PTPRS: variants seen among roughly 807,000 people sequenced by gnomAD.
PTPRS encodes the protein receptor-type tyrosine-protein phosphatase S.
Under a neutral mutation model 215.3 loss-of-function variants are expected in PTPRS, and 63 were observed. The observed-to-expected ratio is 0.29, with a 90% CI of 0.24 to 0.36. The LOEUF is 0.36. Among genes scored for constraint, PTPRS ranks in the 10% least tolerant of loss-of-function variants. The pLI is 1.00. For missense variants in PTPRS, 2,258 were observed against 2,825.8 expected (o/e 0.80, Z 4.56); for synonymous variants, 1,404 against 1,191.4 (o/e 1.18, Z -3.68).
chr19:5,269,351 ACT>A (rs918115210), intron 4 of PTPRS, among the ~76,000 whole-genome samples: 6 of 151,842 alleles, frequency 4.0e-5, no homozygotes, highest in African/African-American at 1.4e-4. Context: ...CGCGAACCAC[ACT>A]CTGCCCAGTT....
intron 1 of PTPRS, among the ~76,000 whole-genome samples, chr19:5,320,145 C>T (rs79491038): frequency 0.028 from 4,238 of 152,310 alleles, 168 homozygotes; most frequent in East Asian, 0.16. Context: ...CTACTCCAGC[C>T]GGGGCCTTCC....
intron 1 of PTPRS, among the ~76,000 whole-genome samples, chr19:5,303,576 A>G (rs1392754685): frequency 6.6e-6 from 1 of 152,014 alleles, no homozygotes; most frequent in Non-Finnish European, 1.5e-5. Context: ...TAAGTTCTGG[A>G]AAAAGAGAGG....
chr19:5,324,226 CAA>C (rs55793961), intron 1 of PTPRS, among the ~76,000 whole-genome samples: 3,713 of 73,748 alleles, frequency 0.05, 113 homozygotes, highest in African/African-American at 0.16. Context: ...AACCCTGCCT[CAA>C]AAAAAAAAAA....
At chr19:5,325,017 T>C (rs1184766498) in intron 1 of PTPRS, among the ~76,000 whole-genome samples, 1 of 152,150 alleles carries the variant, frequency 6.6e-6, no homozygotes, top group Non-Finnish European at 1.5e-5. Context: ...TAAGGAATGA[T>C]TTCTCTTTTC....
chr19:5,256,052 T>A (rs2146212616), intron 9 of PTPRS, 56 bp downstream of exon 9: 1 of 1,475,880 alleles, frequency 6.8e-7, no homozygotes, highest in East Asian at 2.3e-5. Context: ...GTGCGTGTCA[T>A]TTTCAGAATG....
chr19:5,221,133 C>T lies in PTPRS; in HGVS notation c.3322G>A (p.Gly1108Ser), dbSNP rs544466481. 1.1e-5 allele frequency: 17 copies of T among 1,613,866 alleles called. No homozygotes were observed. Among genetic ancestry groups the T allele is most frequent in the Non-Finnish European group, 1.4e-5 (17 of 1,180,006 alleles). ...VLTNRGSSLGGLQQTVTAWTA... is the reference protein window; with the variant it reads ...VLTNRGSSLGSLQQTVTAWTA... ...CAGGCGGTGACCGTCTGCTGGAGGC[C>T]GCCCAGGCTGCTGCCGCGATTGGTC... The change falls in exon 20 of 38, where the codon GGC becomes AGC. Residue 1108 changes from glycine (G) to serine (S), a missense_variant. By Grantham distance (56) the Gly-to-Ser change is moderately conservative. Around this residue, in one of 6 missense-constraint regions of PTPRS, gnomAD observed 927 missense variants for 1,125.9 expected, o/e 0.82. Coordinates refer to ENST00000262963, the MANE Select transcript of PTPRS (RefSeq NM_002850.4).
intron 1 of PTPRS, among the ~76,000 whole-genome samples, chr19:5,300,987 G>C (rs2049286574): frequency 6.6e-6 from 1 of 152,120 alleles, no homozygotes; most frequent in Non-Finnish European, 1.5e-5. Flanking sequence ...GCCACGTTAG[G>C]GTATCCAAAC....
chr19:5,219,909 G>A (rs749572103), intron 22 of PTPRS, 30 bp downstream of exon 22: 14 of 1,605,564 alleles, frequency 8.7e-6, no homozygotes, highest in East Asian at 2.2e-5. Flanking sequence ...AGGTGTGTCT[G>A]GATGTGGGCG....
intron 32 of PTPRS, 45 bp from the exon 33 acceptor site, chr19:5,211,813 G>A (rs778386982): frequency 3.1e-6 from 5 of 1,600,152 alleles, no homozygotes; most frequent in East Asian, 4.5e-5. Flanking sequence ...GATGAGGAAG[G>A]CTATGCTTTC....
chr19:5,265,805 C>T (rs1274769314), intron 4 of PTPRS, among the ~76,000 whole-genome samples: 1 of 151,864 alleles, frequency 6.6e-6, no homozygotes. Context: ...GGGGTGGGTG[C>T]TCCTGGAATG....
chr19:5,320,970 G>T (rs1414128296), intron 1 of PTPRS, among the ~76,000 whole-genome samples: 1 of 151,986 alleles, frequency 6.6e-6, no homozygotes, highest in Non-Finnish European at 1.5e-5. Context: ...CGAATGAGAA[G>T]AATAAAACAA....
Position 5,282,447 on chromosome 19 carries a change from G to A in PTPRS, c.91+3603C>T, listed in dbSNP as rs569079117. On this transcript the variant is annotated intron_variant, in intron 2 of 37. Coordinates refer to ENST00000262963, the MANE Select transcript of PTPRS (RefSeq NM_002850.4). ...GGGCGCCGCGCCTGCAGCTCGAGAGGCACAAAGACACGCCATGTGCTAAGC... is the reference window on the plus strand; with the variant it reads ...GGGCGCCGCGCCTGCAGCTCGAGAGACACAAAGACACGCCATGTGCTAAGC... Among the ~76,000 whole-genome samples the A allele has an allele frequency of 3.1e-3, 479 of 152,316 alleles. 1 individual carries two copies. Among genetic ancestry groups the A allele is most frequent in the Non-Finnish European group, 4.3e-3 (294 of 68,030 alleles).
At chr19:5,238,887 C>T (rs767454808) in intron 13 of PTPRS, 32 bp downstream of exon 13, 18 of 1,558,208 alleles carry the variant, frequency 1.2e-5, no homozygotes, top group Non-Finnish European at 1.6e-5. Context: ...TGGTCCCTCC[C>T]GCAGAGAAGG....
chr19:5,220,231 G>A (rs2041856690), intron 21 of PTPRS, 29 bp downstream of exon 21: 29 of 1,611,008 alleles, frequency 1.8e-5, no homozygotes, highest in African/African-American at 2.7e-5. Context: ...ATGCATCTGG[G>A]CCCTGCGGGT....
chr19:5,243,803 C>G (rs776439876), intron 11 of PTPRS, 98 bp downstream of exon 11: 31 of 1,057,976 alleles, frequency 2.9e-5, no homozygotes, highest in Non-Finnish European at 3.8e-5. Flanking sequence ...CTTAAAGCAC[C>G]GTGCATAACC....
chr19:5,323,184 C>T lies in PTPRS; in HGVS notation c.-95+17480G>A, dbSNP rs149282249. ...CCAGCCTGACCAACATGGCAAAACC[C>T]CATTTCTACTAAAAATACAGAAAAA... On this transcript the variant is annotated intron_variant, in intron 1 of 37. Coordinates refer to ENST00000262963, the MANE Select transcript of PTPRS (RefSeq NM_002850.4). 9.9e-4 allele frequency among the ~76,000 whole-genome samples: 151 copies of T among 152,016 alleles called. 3 individuals carry two copies. The East Asian group carries it at 0.029, about 29-fold the overall frequency.
chr19:5,222,906 G>T lies in PTPRS; in HGVS notation c.2886C>A (p.Ile962=). 3 of 1,571,670 alleles carry T rather than the reference G, an allele frequency of 1.9e-6. No homozygotes were observed. The highest frequency in any genetic ancestry group is 1.4e-5 in the African/African-American group (1 of 73,578). The change falls in exon 18 of 38, where the codon ATC becomes ATA. Residue 962 remains isoleucine, a synonymous_variant. Transcript: ENST00000262963. ...PPVPAERNGA[I]VKYTVAVREA... is the part of the protein sequence containing the mutation. ...CCCGCACGGCCACCGTGTATTTGAC[G>T]ATGGCCCCGTTGCGCTCGGCGGGCA...
chr19:5,304,282 G>A (rs2049404386), intron 1 of PTPRS, among the ~76,000 whole-genome samples: 1 of 151,844 alleles, frequency 6.6e-6, no homozygotes. Flanking sequence ...TGGCCAACAT[G>A]GTGAAACCTC....
rs1038734701 is a variant in PTPRS, at chr19:5,293,403, G to A, written c.-94-7169C>T. 6.6e-6 allele frequency among the ~76,000 whole-genome samples: 1 copy of A among 151,828 alleles called. No homozygotes were observed. The highest frequency in any genetic ancestry group is 1.5e-5 in the Non-Finnish European group (1 of 67,878). ...GGCCCCGGCCGGAAGTGGGGCGGGG[G>A]GACCAGAGGGGAGCCCCATCTGGAG... On this transcript the variant is annotated intron_variant, in intron 1 of 37. Coordinates refer to ENST00000262963, the MANE Select transcript of PTPRS (RefSeq NM_002850.4). The surrounding 1 kb of genome is among the most constrained non-coding windows in gnomAD (Gnocchi z 8.4).
Sources: allele counts gnomAD v4.1 joint callset (sites outside exome capture counted in the v4.1 genomes callset), GRCh38; gene constraint gnomAD v4.1.1; regional missense constraint gnomAD v4.1.1; non-coding constraint Gnocchi (gnomAD v3.1); transcripts MANE v1.5; gene names NCBI Gene and HGNC (gene_info 2026-07-23, HGNC 2026-07-21).